Variants in C1QTNF7 observed in about 807,000 individuals in gnomAD.
C1QTNF7 encodes the protein C1q and TNF related 7, also known as complement C1q tumor necrosis factor-related protein 7.
Under a neutral mutation model 19.6 loss-of-function variants are expected in C1QTNF7, and 15 were observed. The observed-to-expected ratio is 0.76, with a 90% confidence interval of 0.51 to 1.18. C1QTNF7 has a LOEUF of 1.18. C1QTNF7 is among the 50% of genes most tolerant of loss of function. The pLI is 0.00. For missense variants in C1QTNF7, 324 were observed against 359.7 expected (o/e 0.90, Z 0.80); for synonymous variants, 142 against 137.5 (o/e 1.03, Z -0.23).
intron 2 of C1QTNF7, among the ~76,000 whole-genome samples, chr4:15,439,850 A>T (rs1712679102): frequency 6.6e-6 from 1 of 152,048 alleles, no homozygotes; most frequent in Non-Finnish European, 1.5e-5. Flanking sequence ...GCTGTTATAT[A>T]TATAAAATCA....
intron 1 of C1QTNF7, among the ~76,000 whole-genome samples, chr4:15,372,160 C>T (rs767387658): frequency 6.6e-6 from 1 of 152,110 alleles, no homozygotes. Context: ...TTTTACTTCC[C>T]GCAGGCTTGC....
chr4:15,433,954 T>C (rs1712427758), intron 1 of C1QTNF7, among the ~76,000 whole-genome samples: 1 of 152,226 alleles, frequency 6.6e-6, no homozygotes, highest in African/African-American at 2.4e-5. Flanking sequence ...CATCTTGTTC[T>C]TACTGTGGCA....
chr4:15,376,405 G>C (rs558326990), intron 1 of C1QTNF7, among the ~76,000 whole-genome samples: 1 of 152,360 alleles, frequency 6.6e-6, no homozygotes, highest in African/African-American at 2.4e-5. Context: ...CACTAGTAAG[G>C]TGTAGAGACT....
chr4:15,344,993 G>C (rs1357167740), intron 1 of C1QTNF7, among the ~76,000 whole-genome samples: 1 of 152,116 alleles, frequency 6.6e-6, no homozygotes, highest in Non-Finnish European at 1.5e-5. Context: ...CCAAATAGGT[G>C]GTAAGCTTTT....
chr4:15,381,356 G>T (rs957793514), intron 1 of C1QTNF7, among the ~76,000 whole-genome samples: 4 of 151,394 alleles, frequency 2.6e-5, no homozygotes, highest in African/African-American at 9.7e-5. Context: ...GGCAGAGCTT[G>T]CTGTGAGCAG....
At chr4:15,353,299 T>C (rs1716998306) in intron 1 of C1QTNF7, among the ~76,000 whole-genome samples, 1 of 152,192 alleles carries the variant, frequency 6.6e-6, no homozygotes, top group Admixed American at 6.5e-5. Context: ...GGACAAGTTT[T>C]AGATTCTTTA....
intron 1 of C1QTNF7, among the ~76,000 whole-genome samples, chr4:15,341,890 G>C (rs1170707985): frequency 1.3e-5 from 2 of 152,222 alleles, no homozygotes; most frequent in Non-Finnish European, 2.9e-5. Context: ...GTGGCATGAC[G>C]TGACTGCTGA....
intron 1 of C1QTNF7, among the ~76,000 whole-genome samples, chr4:15,355,890 C>T (rs188471022): frequency 6.6e-6 from 1 of 152,096 alleles, no homozygotes; most frequent in South Asian, 2.1e-4. Context: ...CAGGGTACCA[C>T]TACGTTGTCC....
intron 1 of C1QTNF7, among the ~76,000 whole-genome samples, chr4:15,398,084 AT>A (rs1718856937): frequency 6.6e-6 from 1 of 151,754 alleles, no homozygotes; most frequent in Admixed American, 6.6e-5. Flanking sequence ...TTTTTCATTC[AT>A]TTTTTTCATT....
rs1008740430 is a variant in C1QTNF7 at position 15,347,089 on chromosome 4, C to T, written c.13+6882C>T. On this transcript the variant is annotated intron_variant, in intron 1 of 2. Coordinates refer to the C1QTNF7 transcript ENST00000295297. The stretch of plus-strand genomic sequence containing the variant: ...TATAATCTAGAGATGTAAAGAAAGA[C>T]TCTCATTTCTTGAAGACAATTTATG... Among the ~76,000 whole-genome samples, 4 of 152,114 alleles carry T rather than the reference C, an allele frequency of 2.6e-5. No homozygotes were observed. In the East Asian group the frequency reaches 5.8e-4, roughly 22 times the overall value.
intron 1 of C1QTNF7, among the ~76,000 whole-genome samples, chr4:15,396,575 C>A (rs140083051): frequency 9.2e-5 from 14 of 151,904 alleles, no homozygotes; most frequent in African/African-American, 3.1e-4. Flanking sequence ...ACTTAGGGGG[C>A]ACATTATTTA....
intron 2 of C1QTNF7, among the ~76,000 whole-genome samples, chr4:15,438,973 A>G (rs1318738367): frequency 6.6e-6 from 1 of 152,238 alleles, no homozygotes; most frequent in Non-Finnish European, 1.5e-5. Context: ...GTTGGATGGA[A>G]GGAAGAAATG....
intron 1 of C1QTNF7, among the ~76,000 whole-genome samples, chr4:15,345,211 G>A (rs1336453103): frequency 6.6e-6 from 1 of 152,114 alleles, no homozygotes; most frequent in African/African-American, 2.4e-5. Context: ...TAACACTAAG[G>A]TCAGGCAAAA....
At chr4:15,374,384 T>A (rs1025198376) in intron 1 of C1QTNF7, among the ~76,000 whole-genome samples, 1 of 152,188 alleles carries the variant, frequency 6.6e-6, no homozygotes, top group Non-Finnish European at 1.5e-5. Flanking sequence ...TCAGCTAATA[T>A]CACACTTTTA....
At chr4:15,405,225 T>A (rs544572621) in intron 1 of C1QTNF7, among the ~76,000 whole-genome samples, 4 of 152,338 alleles carry the variant, frequency 2.6e-5, no homozygotes, top group African/African-American at 9.6e-5. Flanking sequence ...TTGTCTTTCA[T>A]CCTCGCACTT....
At chr4:15,402,241 A>T (rs765888346) in intron 1 of C1QTNF7, among the ~76,000 whole-genome samples, 24 of 152,246 alleles carry the variant, frequency 1.6e-4, no homozygotes, top group Non-Finnish European at 2.6e-4. Flanking sequence ...TAAGGGGACA[A>T]GGTGACCCAA....
At chr4:15,350,736 T>G (rs1716907457) in intron 1 of C1QTNF7, among the ~76,000 whole-genome samples, 1 of 152,164 alleles carries the variant, frequency 6.6e-6, no homozygotes, top group East Asian at 1.9e-4. Flanking sequence ...GAGACTGTGG[T>G]TGTCCAAGCA....
intron 2 of C1QTNF7, among the ~76,000 whole-genome samples, chr4:15,438,649 G>T (rs1466707331): frequency 6.6e-6 from 1 of 151,934 alleles, no homozygotes; most frequent in East Asian, 1.9e-4. Context: ...ATTTAATCTG[G>T]GTACATATCC....
At chr4:15,437,179 G>T (rs552245161) in intron 2 of C1QTNF7, among the ~76,000 whole-genome samples, 3 of 152,046 alleles carry the variant, frequency 2.0e-5, no homozygotes, top group East Asian at 1.9e-4. Context: ...GTTATATATT[G>T]CTTTTAGTTT....
Sources: gnomAD v4.1 joint callset for allele counts (sites outside exome capture counted in the v4.1 genomes callset) on GRCh38, gnomAD v4.1.1 for gene constraint, MANE v1.5 for transcripts, NCBI Gene and HGNC (gene_info 2026-07-23, HGNC 2026-07-21) for gene names.